SLC4A7: variants seen among roughly 807,000 people sequenced by gnomAD.
SLC4A7 encodes the protein sodium bicarbonate cotransporter 3.
A neutral mutation model predicts 137.6 loss-of-function variants in SLC4A7; 51 were observed. That is an observed-to-expected ratio of 0.37 (90% CI 0.30 to 0.47). The LOEUF is 0.47. SLC4A7 is among the 20% of genes least tolerant of loss of function. The pLI is 1.00. For synonymous variants in SLC4A7, 542 were observed against 518.6 expected, an observed-to-expected ratio of 1.05 and a Z score of -0.61; for missense variants, 1,247 against 1,525.4, an observed-to-expected ratio of 0.82 and a Z score of 3.04.
chr3:27,447,640 C>CTTTTTTTTTTTTTT (rs71087609), intron 3 of SLC4A7, among the ~76,000 whole-genome samples: 3 of 99,700 alleles, frequency 3.0e-5, no homozygotes, highest in Non-Finnish European at 5.6e-5. Context: ...TTTTACAGCC[C>CTTTTTTTTTTTTTT]TTTTTTTTTT....
chr3:27,468,475 G>A lies in SLC4A7; in HGVS notation c.60+15592C>T, dbSNP rs557364523. 9.8e-5 allele frequency among the ~76,000 whole-genome samples: 15 copies of A among 152,318 alleles called. No individual in the cohort carries two copies. The South Asian group carries it at 2.9e-3, about 29-fold the overall frequency. On this transcript the variant is annotated intron_variant, in intron 1 of 25. Transcript: ENST00000454389. ...CGGTCACACTCAGTCAAGAGACTGA[G>A]GTGGAGGATTGCTTGAGCCCAGGAG...
chr3:27,393,535 A>G (rs1024002325), intron 20 of SLC4A7, among the ~76,000 whole-genome samples: 3 of 152,228 alleles, frequency 2.0e-5, no homozygotes, highest in Non-Finnish European at 4.4e-5. Flanking sequence ...ATTTTTTTAC[A>G]GTAAGGGAAG....
intron 12 of SLC4A7, among the ~76,000 whole-genome samples, chr3:27,411,331 A>G (rs995763572): frequency 6.6e-6 from 1 of 152,056 alleles, no homozygotes; most frequent in Non-Finnish European, 1.5e-5. Flanking sequence ...GAATTATAAT[A>G]AGACTCTACA....
chr3:27,410,654 C>T (rs73822002), intron 12 of SLC4A7, among the ~76,000 whole-genome samples: 4,828 of 152,268 alleles, frequency 0.032, 261 homozygotes, highest in African/African-American at 0.11. Context: ...CATACAGATG[C>T]TCTCAGGTGA....
chr3:27,467,129 A>G (rs9852653), intron 1 of SLC4A7, among the ~76,000 whole-genome samples: 3,654 of 152,256 alleles, frequency 0.024, 164 homozygotes, highest in African/African-American at 0.084. Context: ...TTCAGCTTGG[A>G]TAAGATATAA....
chr3:27,394,959 A>G lies in SLC4A7; in HGVS notation c.2860T>C (p.Leu954=), dbSNP rs767929467. The G allele has an allele frequency of 1.3e-6, 2 of 1,591,972 alleles. No homozygotes were observed. Among genetic ancestry groups the G allele is most frequent in the Non-Finnish European group, 1.7e-6 (2 of 1,173,246 alleles). Residue 954 remains leucine (L), a synonymous_variant, in exon 19 of 26, where the codon TTG becomes CTG. Transcript: ENST00000454389. The part of the protein sequence containing the change: ...AVIINRKEHK[L]KKGAGYHLDL... ...AGGCAAAATTCTAAAATTACCTTCAATTTGTGTTCCTTTCTGTTTATAATT... is the reference window on the plus strand; with the variant it reads ...AGGCAAAATTCTAAAATTACCTTCAGTTTGTGTTCCTTTCTGTTTATAATT...
intron 22 of SLC4A7, among the ~76,000 whole-genome samples, chr3:27,388,028 A>G (rs56301500): frequency 0.032 from 4,830 of 152,202 alleles, 260 homozygotes; most frequent in African/African-American, 0.11. Flanking sequence ...GATCATTGAG[A>G]GAGACTGCCT....
At chr3:27,479,991 A>C (rs1398828902) in intron 1 of SLC4A7, among the ~76,000 whole-genome samples, 1 of 152,224 alleles carries the variant, frequency 6.6e-6, no homozygotes, top group African/African-American at 2.4e-5. Context: ...CACCCATTAC[A>C]GGATGTTGAC....
chr3:27,427,376 G>C (rs2055751291), intron 7 of SLC4A7, among the ~76,000 whole-genome samples: 1 of 151,328 alleles, frequency 6.6e-6, no homozygotes, highest in Admixed American at 6.6e-5. Context: ...CTGGCCTCAA[G>C]TGATCCTCCC....
chr3:27,404,984 T>G, intron 13 of SLC4A7, 21 bp from the exon 14 acceptor site: 1 of 1,540,100 alleles, frequency 6.5e-7, no homozygotes, highest in Non-Finnish European at 8.7e-7. Flanking sequence ...AAAAAAGAAA[T>G]GAATAAAAGC....
chr3:27,379,457 T>G, intron 24 of SLC4A7, 101 bp from the exon 25 acceptor site: 1 of 603,618 alleles, frequency 1.7e-6, no homozygotes, highest in South Asian at 2.4e-5. Context: ...TGAGAAAACC[T>G]TTGCCAGATA....
chr3:27,401,239 C>T (rs2052714265), intron 15 of SLC4A7, among the ~76,000 whole-genome samples: 1 of 152,146 alleles, frequency 6.6e-6, no homozygotes, highest in Admixed American at 6.5e-5. Context: ...CCCCATAGCA[C>T]ATATAGATTC....
intron 10 of SLC4A7, among the ~76,000 whole-genome samples, chr3:27,420,126 C>A (rs892983215): frequency 6.6e-6 from 1 of 151,448 alleles, no homozygotes; most frequent in Non-Finnish European, 1.5e-5. Context: ...GATTGCACCA[C>A]TGCACTCCAG....
chr3:27,452,081 C>A (rs1028705465), intron 2 of SLC4A7, among the ~76,000 whole-genome samples: 6 of 152,046 alleles, frequency 3.9e-5, no homozygotes, highest in Non-Finnish European at 5.9e-5. Flanking sequence ...TTAATGATAA[C>A]TGTGGTTTAT....
At chr3:27,426,831 A>G (rs2055678746) in intron 7 of SLC4A7, among the ~76,000 whole-genome samples, 1 of 152,190 alleles carries the variant, frequency 6.6e-6, no homozygotes, top group South Asian at 2.1e-4. Flanking sequence ...TTTCTCAATC[A>G]GTAAAGTCTC....
intron 1 of SLC4A7, among the ~76,000 whole-genome samples, chr3:27,457,941 T>G (rs2058497527): frequency 1.3e-5 from 2 of 152,140 alleles, no homozygotes; most frequent in South Asian, 4.1e-4. Context: ...CTTCATTCAT[T>G]TTTGACAAAA....
intron 8 of SLC4A7, chr3:27,422,869 A>C (rs1250745970): frequency 2.2e-6 from 1 of 450,912 alleles, no homozygotes. Context: ...GGAAGTATAC[A>C]CAAAGATAGG....
chr3:27,428,731 T>C (rs907724826), intron 7 of SLC4A7, among the ~76,000 whole-genome samples: 2 of 152,170 alleles, frequency 1.3e-5, no homozygotes, highest in Non-Finnish European at 2.9e-5. Flanking sequence ...ACACATTAAA[T>C]AGGCTAATAA....
intron 1 of SLC4A7, among the ~76,000 whole-genome samples, chr3:27,453,030 A>T (rs527971873): frequency 6.6e-6 from 1 of 152,286 alleles, no homozygotes; most frequent in South Asian, 2.1e-4. Context: ...TTTTCCCCCA[A>T]AGTAAAATTC....
Sources: allele counts gnomAD v4.1 joint callset (sites outside exome capture counted in the v4.1 genomes callset), GRCh38; gene constraint gnomAD v4.1.1; transcripts MANE v1.5; gene names NCBI Gene and HGNC (gene_info 2026-07-23, HGNC 2026-07-21).